HHLA1: variants seen among roughly 807,000 people sequenced by gnomAD.
HHLA1 encodes HERV-H LTR-associating protein 1.
HHLA1 carries 72 observed loss-of-function variants against 69.9 expected under a neutral mutation model. The ratio of observed to expected loss-of-function variants is 1.03; its 90% CI spans 0.85 to 1.25. The LOEUF is 1.25. Among genes scored for constraint, HHLA1 ranks in the 50% most tolerant of loss-of-function variants. The probability of loss-of-function intolerance (pLI) is 0.00; values close to 1 mark genes in which losing one functional copy is unlikely to be tolerated. For synonymous variants in HHLA1, 252 were observed against 233.2 expected, an observed-to-expected ratio of 1.08 and a Z score of -0.73; for missense variants, 685 against 642.2, an observed-to-expected ratio of 1.07 and a Z score of -0.72.
intron 10 of HHLA1, 77 bp downstream of exon 10, chr8:132,087,576 G>T: frequency 2.3e-6 from 2 of 860,076 alleles, no homozygotes; most frequent in South Asian, 3.1e-5. Flanking sequence ...CCTGAGGGCA[G>T]CTTTCAGTCA....
At chr8:132,110,182 G>C (rs1287600896) in intron 1 of HHLA1, among the ~76,000 whole-genome samples, 7 of 152,174 alleles carry the variant, frequency 4.6e-5, no homozygotes, top group Non-Finnish European at 1.0e-4. Flanking sequence ...GCTGTGGAGA[G>C]GTGGAAATAC....
intron 14 of HHLA1, among the ~76,000 whole-genome samples, chr8:132,075,671 G>C (rs967100190): frequency 3.3e-5 from 5 of 152,164 alleles, no homozygotes; most frequent in Non-Finnish European, 7.3e-5. Flanking sequence ...TGCAAGAGCA[G>C]CTTCTATTTG....
Position 132,062,646 on chromosome 8 carries a change from G to A in HHLA1, c.*1349C>T, listed in dbSNP as rs567927926. 4 of 152,348 alleles carry A rather than the reference G, an allele frequency of 2.6e-5. No individual in the cohort carries two copies. The East Asian group carries it at 5.8e-4, about 22-fold the overall frequency. The allele number at this position is 152,348 out of a possible 1,614,324, so 9.4% of individuals were successfully genotyped here. A position where few individuals can be genotyped will look rare whatever the true frequency, so the allele number is the denominator to read the frequency against. On this transcript the variant is annotated 3_prime_UTR_variant, in exon 17 of 17. Coordinates refer to ENST00000414222, the MANE Select transcript of HHLA1 (RefSeq NM_001145095.3). ...ACTGGAGAGGGCACACATGCTCTACGTGGAGACTCAGCATAGATAGGGATA... is the reference window on the plus strand; with the variant it reads ...ACTGGAGAGGGCACACATGCTCTACATGGAGACTCAGCATAGATAGGGATA...
intron 14 of HHLA1, 83 bp downstream of exon 14, chr8:132,075,972 C>G (rs767242220): frequency 9.6e-7 from 1 of 1,045,062 alleles, no homozygotes; most frequent in African/African-American, 1.6e-5. Context: ...CTAAATTTAC[C>G]GAACAAACCT....
At chr8:132,082,005 G>A (rs1052745120) in intron 10 of HHLA1, among the ~76,000 whole-genome samples, 10 of 152,170 alleles carry the variant, frequency 6.6e-5, no homozygotes, top group Admixed American at 2.0e-4. Context: ...TGATCAGGGT[G>A]AGGAACAGGA....
Position 132,063,227 on chromosome 8 carries a change from C to T in HHLA1, c.*768G>A, listed in dbSNP as rs1203827776. 6.6e-6 allele frequency: 1 copy of T among 152,236 alleles called. No individual in the cohort carries two copies. Among genetic ancestry groups the T allele is most frequent in the African/African-American group, 2.4e-5 (1 of 41,464 alleles). 9.4% of individuals were successfully genotyped at this position (152,236 alleles called of 1,614,324 possible). ...GGTGCCTTTCACATTTGCTGCTTTT[C>T]ATCTGCATCCTTTTGTTGTAATAAA... On this transcript the variant is annotated 3_prime_UTR_variant, in exon 17 of 17. Transcript: ENST00000414222.
At chr8:132,110,877 T>G (rs1456939709) in intron 1 of HHLA1, among the ~76,000 whole-genome samples, 1 of 152,158 alleles carries the variant, frequency 6.6e-6, no homozygotes, top group Non-Finnish European at 1.5e-5. Context: ...AATCAATAGC[T>G]TAAAATGAAC....
chr8:132,079,724 C>G lies in HHLA1; in HGVS notation c.919G>C (p.Ala307Pro). ...GGGTGAGAATGCATCTTACCCAAGG[C>G]TGGGAGAGTGTGGGAGGCACTGAAC... ...TWFSASHTLP[A>P]LATRRVARTQ... The change falls in exon 11 of 17, where the codon GCC becomes CCC. Residue 307 changes from alanine (A) to proline (P), a missense_variant. By Grantham distance (27) the Ala-to-Pro change is conservative. Transcript: ENST00000414222. 4.5e-6 allele frequency: 7 copies of G among 1,547,554 alleles called. No individual in the cohort carries two copies. Among genetic ancestry groups the G allele is most frequent in the Non-Finnish European group, 6.1e-6 (7 of 1,145,172 alleles).
intron 12 of HHLA1, among the ~76,000 whole-genome samples, chr8:132,076,941 C>A (rs143247077): frequency 6.6e-6 from 1 of 152,148 alleles, no homozygotes; most frequent in Non-Finnish European, 1.5e-5. Flanking sequence ...CCACCCCCGA[C>A]AAATTGCCTG....
At position 132,062,800 on chromosome 8, in the gene HHLA1, CA is replaced by C. The variant is rs1304287630; in HGVS notation, c.*1194del. On this transcript the variant is annotated 3_prime_UTR_variant, in exon 17 of 17. Transcript: ENST00000414222. ...ACTCCACAGATGAGCTCAAATCCTG[CA>C]CCTTTCAGAGGAACATCTGGTCCTT... 1 of 152,250 alleles carries C rather than the reference CA, an allele frequency of 6.6e-6. No homozygotes were observed. The highest frequency in any genetic ancestry group is 1.5e-5 in the Non-Finnish European group (1 of 68,072). The allele number at this position is 152,250 out of a possible 1,614,324, so 9.4% of individuals were successfully genotyped here.
intron 10 of HHLA1, chr8:132,081,212 C>G (rs148320929): frequency 1.3e-5 from 2 of 151,994 alleles, no homozygotes; most frequent in Non-Finnish European, 2.9e-5. Context: ...TAGTTGAGAA[C>G]GGTGAATAGG....
chr8:132,110,557 A>G (rs1176165469), intron 1 of HHLA1, among the ~76,000 whole-genome samples: 12 of 152,208 alleles, frequency 7.9e-5, no homozygotes, highest in African/African-American at 2.4e-5. Flanking sequence ...CAACACTACT[A>G]ATGGCTTGTT....
chr8:132,101,622 A>G (rs1824112671), intron 3 of HHLA1, among the ~76,000 whole-genome samples: 2 of 149,528 alleles, frequency 1.3e-5, no homozygotes. Flanking sequence ...TCTGTTGCCC[A>G]GGCTGGAGTG....
intron 3 of HHLA1, among the ~76,000 whole-genome samples, chr8:132,103,310 T>A (rs1186927175): frequency 6.6e-6 from 1 of 152,152 alleles, no homozygotes; most frequent in Non-Finnish European, 1.5e-5. Flanking sequence ...ATGTACTAAT[T>A]TAAAATAAAT....
intron 10 of HHLA1, among the ~76,000 whole-genome samples, chr8:132,084,585 C>T (rs1427163556): frequency 1.3e-5 from 2 of 152,060 alleles, no homozygotes; most frequent in African/African-American, 4.8e-5. Flanking sequence ...CGAGTTTGTA[C>T]TGGGGTCAAG....
intron 8 of HHLA1, among the ~76,000 whole-genome samples, chr8:132,088,566 A>T (rs778226817): frequency 5.3e-5 from 8 of 152,196 alleles, no homozygotes; most frequent in Admixed American, 1.3e-4. Context: ...CTCTCATAGG[A>T]TAACAGGAAA....
intron 1 of HHLA1, among the ~76,000 whole-genome samples, chr8:132,110,664 G>C (rs1188882035): frequency 6.6e-6 from 1 of 152,312 alleles, no homozygotes. Flanking sequence ...AGTCCAGTCT[G>C]TTTGCTGCCA....
intron 15 of HHLA1, among the ~76,000 whole-genome samples, chr8:132,071,034 A>G (rs1438348871): frequency 1.3e-5 from 2 of 152,040 alleles, no homozygotes; most frequent in Non-Finnish European, 2.9e-5. Flanking sequence ...AACTTATCTC[A>G]ACTCATCACA....
At chr8:132,097,983 CTATT>C (rs2130896645) in intron 5 of HHLA1, among the ~76,000 whole-genome samples, 2 of 152,138 alleles carry the variant, frequency 1.3e-5, no homozygotes, top group East Asian at 3.8e-4. Context: ...GTACCATTAC[CTATT>C]TATTATGTTT....
Sources: allele counts gnomAD v4.1 joint callset (sites outside exome capture counted in the v4.1 genomes callset), GRCh38; gene constraint gnomAD v4.1.1; transcripts MANE v1.5; gene names NCBI Gene and HGNC (gene_info 2026-07-23, HGNC 2026-07-21).